The following GXYLT2 variants were observed in gnomAD, a reference collection of about 807,000 sequenced individuals.
The protein encoded by GXYLT2 is glycosyltransferase 8 domain containing 4.
GXYLT2 carries 53 observed loss-of-function variants against 45.8 expected under a neutral mutation model. The observed-to-expected ratio is 1.16, with a 90% CI of 0.93 to 1.46. GXYLT2 has a LOEUF of 1.46. Among genes scored for constraint, GXYLT2 ranks in the 40% most tolerant of loss-of-function variants. The pLI, the probability that GXYLT2 is intolerant of heterozygous loss-of-function variation, is 0.00. For synonymous variants in GXYLT2, 219 were observed against 214.2 expected, an observed-to-expected ratio of 1.02 and a Z score of -0.19; for missense variants, 551 against 544.4, an observed-to-expected ratio of 1.01 and a Z score of -0.12.
chr3:72,914,711 G>A (rs1035767874), intron 2 of GXYLT2, among the ~76,000 whole-genome samples: 1 of 151,868 alleles, frequency 6.6e-6, no homozygotes, highest in Non-Finnish European at 1.5e-5. Flanking sequence ...GACAGTAGCT[G>A]GGGTTTCCTT....
At chr3:72,953,565 A>G (rs1468863702) in intron 3 of GXYLT2, among the ~76,000 whole-genome samples, 3 of 152,056 alleles carry the variant, frequency 2.0e-5, no homozygotes, top group Non-Finnish European at 4.4e-5. Context: ...GCTAGGATTG[A>G]AATTAGAATC....
intron 2 of GXYLT2, among the ~76,000 whole-genome samples, chr3:72,913,885 T>C (rs977803336): frequency 2.0e-5 from 3 of 152,114 alleles, no homozygotes; most frequent in Non-Finnish European, 2.9e-5. Context: ...CTGCTTATGG[T>C]GGTGAGGCCA....
intron 3 of GXYLT2, among the ~76,000 whole-genome samples, chr3:72,932,510 A>T (rs1710058496): frequency 1.3e-5 from 2 of 152,214 alleles, no homozygotes; most frequent in South Asian, 4.1e-4. Flanking sequence ...CATTATGTCC[A>T]GGAAGACAGG....
chr3:72,967,674 C>T lies in GXYLT2; in HGVS notation c.1104C>T (p.Asp368=), dbSNP rs569607352. The part of the protein sequence containing the change: ...VLHGNRGVYH[D]DKQPTFRALY... ...ATGGAAACCGAGGCGTCTACCATGA[C>T]GATAAGCAACCAACGTTCAGAGCAC... Residue 368 remains aspartate, a synonymous_variant, in exon 6 of 7, where the codon GAC becomes GAT. Transcript: ENST00000389617. 7 of 1,613,784 alleles carry T rather than the reference C, an allele frequency of 4.3e-6. No homozygotes were observed. The East Asian group carries it at 6.7e-5, about 15-fold the overall frequency.
At position 72,951,930 on chromosome 3, in the gene GXYLT2, C is replaced by T. The variant is rs566615995; in HGVS notation, c.601-3168C>T. The stretch of plus-strand genomic sequence containing the variant: ...AATCTCAGCTCACTGTAACCTCTGC[C>T]TCCCGGGTTCAAGGGATTCTCCTGC... On this transcript the variant is annotated intron_variant, in intron 3 of 6. Transcript: ENST00000389617. Among the ~76,000 whole-genome samples the T allele has an allele frequency of 3.7e-4, 56 of 151,780 alleles. 2 individuals are homozygous for T. In the South Asian group the frequency reaches 0.01, roughly 28 times the overall value.
chr3:72,901,968 A>G (rs1296938952), intron 1 of GXYLT2, among the ~76,000 whole-genome samples: 4 of 152,132 alleles, frequency 2.6e-5, no homozygotes, highest in African/African-American at 9.7e-5. Context: ...TCACAGGTTT[A>G]CTGTTTTCAA....
At chr3:72,906,489 G>C (rs1176542674) in intron 1 of GXYLT2, among the ~76,000 whole-genome samples, 3 of 152,136 alleles carry the variant, frequency 2.0e-5, no homozygotes, top group Non-Finnish European at 4.4e-5. Context: ...ACTTATTACT[G>C]TCTAGCTTTC....
intron 1 of GXYLT2, among the ~76,000 whole-genome samples, chr3:72,903,058 TAAA>T (rs148505382): frequency 0.027 from 4,043 of 152,188 alleles, 188 homozygotes; most frequent in African/African-American, 0.091. Context: ...TTAAAATTCT[TAAA>T]AAGCATCAAG....
chr3:72,949,436 C>T (rs1272420646), intron 3 of GXYLT2, among the ~76,000 whole-genome samples: 1 of 151,826 alleles, frequency 6.6e-6, no homozygotes, highest in Non-Finnish European at 1.5e-5. Flanking sequence ...TTGCTTTGCC[C>T]CTTTTCTGTC....
chr3:72,901,700 ACAGGCATGCAC>A (rs71126803), intron 1 of GXYLT2, among the ~76,000 whole-genome samples: 43,275 of 150,414 alleles, frequency 0.29, 6,581 homozygotes, highest in Non-Finnish European at 0.34. Context: ...AGCTGGGATT[ACAGGCATGCAC>A]CACCACACCT....
chr3:72,974,571 A>G (rs1266622771), intron 6 of GXYLT2, among the ~76,000 whole-genome samples: 1 of 152,146 alleles, frequency 6.6e-6, no homozygotes, highest in Non-Finnish European at 1.5e-5. Flanking sequence ...CATCATTTTT[A>G]GATTGTAAGA....
intron 1 of GXYLT2, among the ~76,000 whole-genome samples, chr3:72,902,886 AC>A (rs1342201171): frequency 1.3e-5 from 2 of 152,004 alleles, no homozygotes; most frequent in African/African-American, 4.8e-5. Context: ...GGTGGTGGGC[AC>A]CTGTAATCCC....
At chr3:72,895,433 T>C (rs1709271160) in intron 1 of GXYLT2, among the ~76,000 whole-genome samples, 1 of 152,230 alleles carries the variant, frequency 6.6e-6, no homozygotes, top group African/African-American at 2.4e-5. Flanking sequence ...TCCTGACTAA[T>C]TTGAATATGT....
intron 2 of GXYLT2, among the ~76,000 whole-genome samples, chr3:72,911,243 T>C (rs1357291572): frequency 1.3e-5 from 2 of 152,040 alleles, no homozygotes; most frequent in Non-Finnish European, 2.9e-5. Context: ...TGAGCTGAGA[T>C]TGTGCCATTG....
Position 72,957,209 on chromosome 3 carries a change from G to C in GXYLT2, c.853-20G>C. On this transcript the variant is annotated intron_variant, in intron 4 of 6. Coordinates refer to ENST00000389617, the MANE Select transcript of GXYLT2 (RefSeq NM_001080393.2). ...GTATTTGCTTTGCTTCAGCTGTTCTGATGGTTTTCTTTTTTCCAGAACAGC... is the reference window on the plus strand; with the variant it reads ...GTATTTGCTTTGCTTCAGCTGTTCTCATGGTTTTCTTTTTTCCAGAACAGC... 1 of 1,601,242 alleles carries C rather than the reference G, an allele frequency of 6.2e-7. No homozygotes were observed. Among genetic ancestry groups the C allele is most frequent in the Middle Eastern group, 1.8e-4 (1 of 5,702 alleles).
At position 72,949,287 on chromosome 3, in the gene GXYLT2, C is replaced by T. The variant is rs895607471; in HGVS notation, c.601-5811C>T. Among the ~76,000 whole-genome samples the T allele has an allele frequency of 2.0e-5, 3 of 152,074 alleles. No individual in the cohort carries two copies. In the South Asian group the frequency reaches 6.2e-4, roughly 32 times the overall value. ...GCCATGCCCTCTCTTTTCACATGCT[C>T]TTCCATGTTTGCCCTGCTCTCCGCT... On this transcript the variant is annotated intron_variant, in intron 3 of 6. Transcript: ENST00000389617.
chr3:72,973,100 GA>G (rs893649714), intron 6 of GXYLT2, among the ~76,000 whole-genome samples: 72 of 150,622 alleles, frequency 4.8e-4, no homozygotes, highest in African/African-American at 1.7e-3. Flanking sequence ...TATCTCAAAA[GA>G]AAAAAAAATC....
At chr3:72,947,803 TA>T (rs1287328032) in intron 3 of GXYLT2, among the ~76,000 whole-genome samples, 1 of 150,526 alleles carries the variant, frequency 6.6e-6, no homozygotes, top group Non-Finnish European at 1.5e-5. Flanking sequence ...ACTCCATCTC[TA>T]AAAAAAAAGA....
chr3:72,901,288 C>CAAA (rs35141445), intron 1 of GXYLT2, among the ~76,000 whole-genome samples: 1,508 of 96,458 alleles, frequency 0.016, 51 homozygotes, highest in African/African-American at 0.056. Context: ...GACTCTGTCT[C>CAAA]AAAAAAAAAA....
Sources: gnomAD v4.1 joint callset for allele counts (sites outside exome capture counted in the v4.1 genomes callset) on GRCh38, gnomAD v4.1.1 for gene constraint, MANE v1.5 for transcripts, NCBI Gene and HGNC (gene_info 2026-07-23, HGNC 2026-07-21) for gene names.